Variants in VPS13A observed in about 807,000 individuals in gnomAD.
The protein encoded by VPS13A is intermembrane lipid transfer protein VPS13A.
Under a neutral mutation model 390.9 loss-of-function variants are expected in VPS13A, and 264 were observed. That is an observed-to-expected ratio of 0.68 (90% CI 0.61 to 0.75). The LOEUF is 0.75. VPS13A is among the 30% of genes least tolerant of loss of function. The probability of loss-of-function intolerance (pLI) is 0.00; values close to 1 mark genes in which losing one functional copy is unlikely to be tolerated. For synonymous variants in VPS13A, 1,231 were observed against 1,227.1 expected (o/e 1.00, Z -0.07); for missense variants, 3,409 against 3,733.9 (o/e 0.91, Z 2.27).
chr9:77,286,964 A>T (rs1248394254), intron 31 of VPS13A, among the ~76,000 whole-genome samples: 1 of 152,044 alleles, frequency 6.6e-6, no homozygotes. Flanking sequence ...CTCCTAGACC[A>T]CAGCCTTTCT....
In VPS13A at chr9:77,414,686, A is replaced by C. The variant is rs530986934; in HGVS notation, c.9475-1270A>C. ...GCACACCAACATGGCACATATATACATATGTAACTAACCTGCACGTTGTGC... is the reference window on the plus strand; with the variant it reads ...GCACACCAACATGGCACATATATACCTATGTAACTAACCTGCACGTTGTGC... On this transcript the variant is annotated intron_variant, in intron 71 of 71. Transcript: ENST00000360280. Among the ~76,000 whole-genome samples the C allele has an allele frequency of 2.6e-5, 4 of 151,846 alleles. No homozygotes were observed. In the East Asian group the frequency reaches 5.8e-4, roughly 22 times the overall value.
At chr9:77,312,421 T>A (rs1266577105) in intron 35 of VPS13A, among the ~76,000 whole-genome samples, 1 of 140,256 alleles carries the variant, frequency 7.1e-6, no homozygotes, top group Non-Finnish European at 1.6e-5. Flanking sequence ...CTTGTTCATA[T>A]AATTTTTTTT....
At chr9:77,273,427 A>T in intron 24 of VPS13A, 63 bp downstream of exon 24, 1 of 1,382,392 alleles carries the variant, frequency 7.2e-7, no homozygotes, top group Non-Finnish European at 9.9e-7. Flanking sequence ...GTTTTGAGGC[A>T]TATTTTTCTC....
At chr9:77,305,155 G>T (rs976735787) in intron 34 of VPS13A, among the ~76,000 whole-genome samples, 2 of 152,030 alleles carry the variant, frequency 1.3e-5, no homozygotes, top group African/African-American at 4.8e-5. Context: ...AGCCAGGATG[G>T]TCTTGATCTC....
intron 1 of VPS13A, among the ~76,000 whole-genome samples, chr9:77,179,680 G>A (rs1445384296): frequency 6.8e-6 from 1 of 147,548 alleles, no homozygotes; most frequent in African/African-American, 2.5e-5. Flanking sequence ...TTTAAATTGG[G>A]TTGTACGTTT....
chr9:77,318,585 G>T lies in VPS13A; in HGVS notation c.5307G>T (p.Glu1769Asp), dbSNP rs765874351. The change falls in exon 41 of 72, where the codon GAG (glutamate) becomes GAT (aspartate). Residue 1769 changes from glutamate (E) to aspartate (D), a missense_variant. Physicochemically the swap from Glu to Asp is conservative, Grantham distance 45. Coordinates refer to ENST00000360280, the MANE Select transcript of VPS13A (RefSeq NM_033305.3). Reference protein sequence around the residue: ...SSLINLHCQLELEVHYYNEMF... With the variant: ...SSLINLHCQLDLEVHYYNEMF... ...TAATAAATCTGCACTGTCAGCTTGA[G>T]CTAGAAGTAAGCATATTTTTCCAGT... is the stretch of plus-strand genomic sequence containing the variant. 1.9e-6 allele frequency: 3 copies of T among 1,612,824 alleles called. No individual in the cohort carries two copies. The highest frequency in any genetic ancestry group is 2.5e-6 in the Non-Finnish European group (3 of 1,179,138).
intron 22 of VPS13A, among the ~76,000 whole-genome samples, chr9:77,257,521 G>A (rs550024248): frequency 1.3e-5 from 2 of 152,314 alleles, no homozygotes; most frequent in South Asian, 4.1e-4. Context: ...GAGAGGCCGA[G>A]GTGGTAGGAT....
intron 34 of VPS13A, among the ~76,000 whole-genome samples, chr9:77,306,894 T>A (rs1032948780): frequency 6.6e-6 from 1 of 151,778 alleles, no homozygotes. Context: ...CAGCTAGGAT[T>A]TGAAATTGGC....
chr9:77,399,635 T>G (rs1350704093), intron 68 of VPS13A, among the ~76,000 whole-genome samples: 1 of 152,200 alleles, frequency 6.6e-6, no homozygotes, highest in African/African-American at 2.4e-5. Flanking sequence ...CTTCGCCATA[T>G]GGAACAAAAG....
At chr9:77,346,140 G>C (rs897198559) in intron 52 of VPS13A, among the ~76,000 whole-genome samples, 2 of 152,034 alleles carry the variant, frequency 1.3e-5, no homozygotes, top group African/African-American at 2.4e-5. Context: ...CACCAGCAGT[G>C]TGAAAGTGTT....
chr9:77,277,681 A>G (rs554626327), intron 26 of VPS13A, among the ~76,000 whole-genome samples: 5 of 152,158 alleles, frequency 3.3e-5, no homozygotes, highest in Non-Finnish European at 7.3e-5. Context: ...TATCCTTTTC[A>G]GATTGGCTTC....
chr9:77,202,568 T>C (rs1205700899), intron 3 of VPS13A, among the ~76,000 whole-genome samples: 1 of 152,158 alleles, frequency 6.6e-6, no homozygotes, highest in African/African-American at 2.4e-5. Context: ...ACAGAAGTAT[T>C]ACAATACATA....
At chr9:77,408,612 C>A (rs535520009) in intron 71 of VPS13A, among the ~76,000 whole-genome samples, 2 of 152,210 alleles carry the variant, frequency 1.3e-5, no homozygotes, top group Non-Finnish European at 1.5e-5. Flanking sequence ...GCTTTTCCAA[C>A]GGTCTTAGCA....
intron 34 of VPS13A, among the ~76,000 whole-genome samples, chr9:77,307,340 C>A (rs577999581): frequency 6.6e-6 from 1 of 152,060 alleles, no homozygotes. Flanking sequence ...ATTGTAATCC[C>A]AGTTTCTTGG....
chr9:77,345,008 G>C lies in VPS13A; in HGVS notation c.7156-1G>C. The C allele has an allele frequency of 6.2e-7, 1 of 1,611,330 alleles. No individual in the cohort carries two copies. The highest frequency in any genetic ancestry group is 1.7e-4 in the Middle Eastern group (1 of 6,054). On this transcript the variant is annotated splice_acceptor_variant, in intron 51 of 71. Transcript: ENST00000360280. LOFTEE classifies it high-confidence loss of function. ...AAATGTTTTCTTTTTCTTTCTTCTA[G>C]CTTGGAGGTATTATAGCAGAAGTGA...
chr9:77,350,110 C>T (rs571633687), intron 52 of VPS13A, among the ~76,000 whole-genome samples: 2 of 152,078 alleles, frequency 1.3e-5, no homozygotes, highest in African/African-American at 4.8e-5. Context: ...TTGAAGGTTT[C>T]GATACATTTA....
Position 77,382,025 on chromosome 9 carries a change from AATGAAGAT to A in VPS13A, c.9128_9135del (p.Asn3043ArgfsTer38). ...GAGTCTGCGACCTCCTCGGTTCTTC[AATGAAGAT>A]GGAGTTATCAGACCGTACAGGTTGA... On this transcript the variant is annotated frameshift_variant, in exon 68 of 72. Coordinates refer to ENST00000360280, the MANE Select transcript of VPS13A (RefSeq NM_033305.3). LOFTEE classifies it high-confidence loss of function. 6.2e-7 allele frequency: 1 copy of A among 1,608,806 alleles called. No individual in the cohort carries two copies. Among genetic ancestry groups the A allele is most frequent in the Non-Finnish European group, 8.5e-7 (1 of 1,177,236 alleles).
chr9:77,330,778 A>G lies in VPS13A; in HGVS notation c.5992-1232A>G, dbSNP rs1318376545. Among the ~76,000 whole-genome samples, 3 of 151,818 alleles carry G rather than the reference A, an allele frequency of 2.0e-5. No individual in the cohort carries two copies. In the East Asian group the frequency reaches 5.8e-4, roughly 29 times the overall value. On this transcript the variant is annotated intron_variant, in intron 45 of 71. Coordinates refer to ENST00000360280, the MANE Select transcript of VPS13A (RefSeq NM_033305.3). ...ATAGACATTTAAAAATGTTTCCCTCAAATTAAAAAAAAAAATACATGAAGT... is the reference window on the plus strand; with the variant it reads ...ATAGACATTTAAAAATGTTTCCCTCGAATTAAAAAAAAAAATACATGAAGT...
chr9:77,273,888 G>A (rs1826491178), intron 24 of VPS13A, among the ~76,000 whole-genome samples: 1 of 152,110 alleles, frequency 6.6e-6, no homozygotes. Flanking sequence ...GGGAAACTTA[G>A]GATCTGTCTT....
Sources: gnomAD v4.1 joint callset for allele counts (sites outside exome capture counted in the v4.1 genomes callset) on GRCh38, gnomAD v4.1.1 for gene constraint, MANE v1.5 for transcripts, NCBI Gene and HGNC (gene_info 2026-07-23, HGNC 2026-07-21) for gene names.